Variants in INTS8 observed in about 807,000 individuals in gnomAD.
INTS8 encodes protein kaonashi-1.
In INTS8, 47 loss-of-function variants were observed where a neutral mutation model predicts 138.9. The observed-to-expected ratio is 0.34, with a 90% CI of 0.27 to 0.43. INTS8 has a LOEUF of 0.43. Among genes scored for constraint, INTS8 ranks in the 20% least tolerant of loss-of-function variants. The pLI is 1.00. For missense variants in INTS8, 996 were observed against 1,173.0 expected (o/e 0.85, Z 2.20); for synonymous variants, 392 against 400.9 (o/e 0.98, Z 0.27).
intron 17 of INTS8, 97 bp downstream of exon 17, chr8:94,865,787 G>C (rs926677352): frequency 3.6e-6 from 4 of 1,111,178 alleles, no homozygotes; most frequent in Non-Finnish European, 5.2e-6. Context: ...AAGAACATCA[G>C]CTTTTATTCT....
rs528059896 is a variant in INTS8 at position 94,838,017 on chromosome 8, A to G, written c.862-446A>G. Among the ~76,000 whole-genome samples, 6 of 142,794 alleles carry G rather than the reference A, an allele frequency of 4.2e-5. No individual in the cohort carries two copies. The South Asian group carries it at 1.4e-3, about 34-fold the overall frequency. 93.7% of individuals were successfully genotyped at this position (142,794 alleles called of 152,430 possible). ...AAACCTTTAACCTTTTTGTTTTTTGATTCTTCCAGTTTTAAATTTTTCTTT... is the reference window on the plus strand; with the variant it reads ...AAACCTTTAACCTTTTTGTTTTTTGGTTCTTCCAGTTTTAAATTTTTCTTT... On this transcript the variant is annotated intron_variant, in intron 7 of 26. Coordinates refer to ENST00000523731, the MANE Select transcript of INTS8 (RefSeq NM_017864.4).
intron 4 of INTS8, among the ~76,000 whole-genome samples, 173 bp from the exon 5 acceptor site, chr8:94,828,802 G>A (rs879239656): frequency 2.6e-5 from 4 of 152,166 alleles, no homozygotes; most frequent in African/African-American, 7.2e-5. Context: ...ATACTGGTAC[G>A]TTAATAAGCA....
At chr8:94,876,876 C>CCTT (rs1274320731) in intron 26 of INTS8, among the ~76,000 whole-genome samples, 1 of 152,200 alleles carries the variant, frequency 6.6e-6, no homozygotes, top group Non-Finnish European at 1.5e-5. Flanking sequence ...CATTCACCAC[C>CCTT]TAAGAAGGGG....
chr8:94,858,236 T>C (rs1289041483), intron 15 of INTS8, among the ~76,000 whole-genome samples: 1 of 152,220 alleles, frequency 6.6e-6, no homozygotes, highest in Non-Finnish European at 1.5e-5. Context: ...AGGAAGGTGA[T>C]AGTAATGTGT....
At chr8:94,872,839 C>G (rs1173792721) in intron 21 of INTS8, among the ~76,000 whole-genome samples, 1 of 152,066 alleles carries the variant, frequency 6.6e-6, no homozygotes, top group Non-Finnish European at 1.5e-5. Flanking sequence ...TGCTTGTTTC[C>G]TAATGAGTTG....
intron 6 of INTS8, among the ~76,000 whole-genome samples, chr8:94,834,037 G>T (rs1814826002): frequency 6.6e-6 from 1 of 152,178 alleles, no homozygotes; most frequent in African/African-American, 2.4e-5. Flanking sequence ...CTCCCAAAGT[G>T]CTGGGATTAC....
At position 94,829,044 on chromosome 8, in the gene INTS8, T is replaced by C. The variant is rs769012062; in HGVS notation, c.570+18T>C. ...TGAAAGTGGTAAGTATTGGCATCAG[T>C]TACACAGTAACACTTCAGGAACAAC... On this transcript the variant is annotated intron_variant, in intron 5 of 26. Transcript: ENST00000523731. 2 of 1,574,584 alleles carry C rather than the reference T, an allele frequency of 1.3e-6. No individual in the cohort carries two copies. The highest frequency in any genetic ancestry group is 1.7e-6 in the Non-Finnish European group (2 of 1,149,644).
rs73271160 is a variant in INTS8 at position 94,875,968 on chromosome 8, C to T, written c.2689-106C>T. ...ATTGGATGGAATCCATAACTATGAG[C>T]GGATTCAATGTGATCTATAAGGCTT... On this transcript the variant is annotated intron_variant, in intron 23 of 26. Coordinates refer to ENST00000523731, the MANE Select transcript of INTS8 (RefSeq NM_017864.4). 5.0e-5 allele frequency: 38 copies of T among 766,120 alleles called. No individual in the cohort carries two copies. The African/African-American group carries it at 5.4e-4, about 11-fold the overall frequency. The allele number at this position is 766,120 out of a possible 1,614,324, so 47.5% of individuals were successfully genotyped here.
chr8:94,848,314 G>GT (rs909185750), intron 10 of INTS8, among the ~76,000 whole-genome samples: 5 of 152,096 alleles, frequency 3.3e-5, no homozygotes, highest in East Asian at 1.9e-4. Context: ...CACCAAGCCT[G>GT]TTTTTTTAAT....
chr8:94,825,024 G>A lies in INTS8; in HGVS notation c.262G>A (p.Val88Ile). The change falls in exon 2 of 27, where the codon GTT becomes ATT. Residue 88 changes from valine to isoleucine, a missense_variant. By Grantham distance (29) the Val-to-Ile change is conservative. Coordinates refer to ENST00000523731, the MANE Select transcript of INTS8 (RefSeq NM_017864.4). ...NRILKLLALK[V>I]AAHLKWDLDI... ...TATTTTAAAACTACTTGCTCTTAAAGTTGCTGCACATTTGAAGTGGGACTT... is the reference window on the plus strand; with the variant it reads ...TATTTTAAAACTACTTGCTCTTAAAATTGCTGCACATTTGAAGTGGGACTT... The A allele has an allele frequency of 6.2e-7, 1 of 1,612,064 alleles. No individual in the cohort carries two copies. The highest frequency in any genetic ancestry group is 2.2e-5 in the East Asian group (1 of 44,834).
At chr8:94,845,460 G>A (rs895385436) in intron 10 of INTS8, among the ~76,000 whole-genome samples, 1 of 151,978 alleles carries the variant, frequency 6.6e-6, no homozygotes, top group Non-Finnish European at 1.5e-5. Flanking sequence ...GTTCTACCTT[G>A]TTTTCAAGGT....
Position 94,836,417 on chromosome 8 carries a change from TTA to T in INTS8, c.754-105_754-104del, listed in dbSNP as rs1814928889. Reference sequence around the variant, plus strand: ...ACCTCTCCTTGGAATATGTGTTTTTTTATGTCTTTTTTTCTGTGTTTTCGTGA... The same window carrying T: ...ACCTCTCCTTGGAATATGTGTTTTTTTGTCTTTTTTTCTGTGTTTTCGTGA... On this transcript the variant is annotated intron_variant, in intron 6 of 26. Coordinates refer to ENST00000523731, the MANE Select transcript of INTS8 (RefSeq NM_017864.4). 8 of 816,350 alleles carry T rather than the reference TTA, an allele frequency of 9.8e-6. No homozygotes were observed. The South Asian group carries it at 1.2e-4, about 12-fold the overall frequency. 50.6% of individuals were successfully genotyped at this position (816,350 alleles called of 1,614,324 possible). A position where few individuals can be genotyped will look rare whatever the true frequency, so the allele number is the denominator to read the frequency against.
chr8:94,836,602 T>A lies in INTS8; in HGVS notation c.832T>A (p.Phe278Ile). ...TGTCTATGAAAATGCCAGGGAAAAA[T>A]TTTTTAGAACCAAAGAACTAATTGC... ...SAVYENAREKFFRTKELIAEI... is the reference protein window; with the variant it reads ...SAVYENAREKIFRTKELIAEI... Residue 278 changes from phenylalanine to isoleucine, a missense_variant, in exon 7 of 27, where the codon TTT (phenylalanine) becomes ATT (isoleucine). Transcript: ENST00000523731. The A allele has an allele frequency of 6.2e-7, 1 of 1,612,414 alleles. No individual in the cohort carries two copies. The highest frequency in any genetic ancestry group is 1.1e-5 in the South Asian group (1 of 91,018).
chr8:94,865,003 T>G (rs1468053042), intron 16 of INTS8, among the ~76,000 whole-genome samples: 1 of 151,248 alleles, frequency 6.6e-6, no homozygotes, highest in Non-Finnish European at 1.5e-5. Context: ...CTTATTTTTT[T>G]CGTTGAAACA....
chr8:94,850,196 T>A, intron 12 of INTS8, 105 bp downstream of exon 12: 1 of 743,458 alleles, frequency 1.3e-6, no homozygotes, highest in Non-Finnish European at 2.2e-6. Context: ...AATTAACACT[T>A]GTGTTGGTAA....
At chr8:94,831,627 G>A (rs904156588) in intron 5 of INTS8, among the ~76,000 whole-genome samples, 4 of 151,820 alleles carry the variant, frequency 2.6e-5, no homozygotes, top group Admixed American at 6.6e-5. Flanking sequence ...GATTACAGGC[G>A]TCTGCCCCCA....
chr8:94,867,148 C>A lies in INTS8; in HGVS notation c.2304C>A (p.Leu768=). The A allele has an allele frequency of 6.2e-7, 1 of 1,607,424 alleles. No homozygotes were observed. Among genetic ancestry groups the A allele is most frequent in the East Asian group, 2.2e-5 (1 of 44,798 alleles). ...LSFIKKLREP[L]VLTIILSLFV... is the part of the protein sequence containing the mutation. Reference sequence around the variant, plus strand: ...TGTTTTCTTTCTCATAGGAACCACTCGTTTTGACTATTATTTTATCACTCT... The same window carrying A: ...TGTTTTCTTTCTCATAGGAACCACTAGTTTTGACTATTATTTTATCACTCT... The change falls in exon 19 of 27, where the codon CTC becomes CTA. Residue 768 remains leucine, a synonymous_variant. Transcript: ENST00000523731.
chr8:94,842,653 G>A (rs190613898), intron 10 of INTS8, among the ~76,000 whole-genome samples, 165 bp downstream of exon 10: 1 of 152,290 alleles, frequency 6.6e-6, no homozygotes, highest in East Asian at 1.9e-4. Flanking sequence ...GTCTTCTGCT[G>A]TAGCTCTTTT....
At chr8:94,866,568 A>G (rs1816184546) in intron 18 of INTS8, among the ~76,000 whole-genome samples, 1 of 152,208 alleles carries the variant, frequency 6.6e-6, no homozygotes, top group South Asian at 2.1e-4. Context: ...TACAGGTGTT[A>G]GCCACCTTGC....
Sources: gnomAD v4.1 joint callset for allele counts (sites outside exome capture counted in the v4.1 genomes callset) on GRCh38, gnomAD v4.1.1 for gene constraint, MANE v1.5 for transcripts, NCBI Gene and HGNC (gene_info 2026-07-23, HGNC 2026-07-21) for gene names.